CADPS: variants seen among roughly 807,000 people sequenced by gnomAD.
CADPS encodes the protein calcium dependent secretion activator.
In CADPS, 57 loss-of-function variants were observed where a neutral mutation model predicts 167.3. That is an observed-to-expected ratio of 0.34 (90% CI 0.28 to 0.42). CADPS has a LOEUF of 0.42. CADPS is among the 20% of genes least tolerant of loss of function. The probability of loss-of-function intolerance (pLI) is 1.00; values close to 1 mark genes in which losing one functional copy is unlikely to be tolerated. For synonymous variants in CADPS, 676 were observed against 635.3 expected, an observed-to-expected ratio of 1.06 and a Z score of -0.96; for missense variants, 1,414 against 1,738.1, an observed-to-expected ratio of 0.81 and a Z score of 3.32.
rs375743262 is a variant in CADPS at position 62,405,149 on chromosome 3, G to A, written c.3778-1964C>T. ...TGACATGTAATCTGGGGGGGGGGGG[G>A]GCTCAACAGATCTATTTTGAGAACT... On this transcript the variant is annotated intron_variant, in intron 28 of 29. Coordinates refer to ENST00000383710, the MANE Select transcript of CADPS (RefSeq NM_003716.4). Among the ~76,000 whole-genome samples, 603 of 140,410 alleles carry A rather than the reference G, an allele frequency of 4.3e-3. 5 individuals are homozygous for A. The highest frequency in any genetic ancestry group is 6.6e-3 in the Non-Finnish European group (426 of 64,480). The allele number at this position is 140,410 out of a possible 152,430, so 92.1% of individuals were successfully genotyped here.
chr3:62,536,726 C>T, intron 11 of CADPS, 145 bp from the exon 12 acceptor site: 1 of 747,580 alleles, frequency 1.3e-6, no homozygotes, highest in Admixed American at 2.2e-5. Flanking sequence ...CCAAGATATT[C>T]TTTTTACCTC....
intron 3 of CADPS, among the ~76,000 whole-genome samples, chr3:62,696,422 G>T (rs2080291864): frequency 6.6e-6 from 1 of 151,972 alleles, no homozygotes; most frequent in African/African-American, 2.4e-5. Context: ...GCACCTCATT[G>T]CATCCCTGCC....
chr3:62,724,605 G>A (rs147623627), intron 3 of CADPS, among the ~76,000 whole-genome samples: 1 of 152,274 alleles, frequency 6.6e-6, no homozygotes, highest in African/African-American at 2.4e-5. Flanking sequence ...AACTGGGACT[G>A]TTGGTATTCT....
intron 6 of CADPS, among the ~76,000 whole-genome samples, chr3:62,624,509 C>A (rs1219128120): frequency 2.0e-5 from 3 of 151,656 alleles, no homozygotes; most frequent in Non-Finnish European, 2.9e-5. Context: ...TTTAAAAAAA[C>A]CTATTCCAAA....
chr3:62,436,462 A>T (rs1189746499), intron 28 of CADPS, among the ~76,000 whole-genome samples: 1 of 152,180 alleles, frequency 6.6e-6, no homozygotes, highest in Non-Finnish European at 1.5e-5. Flanking sequence ...TTCAATGGAG[A>T]TGGGCAGAGT....
At chr3:62,522,215 C>T (rs2070829739) in intron 13 of CADPS, among the ~76,000 whole-genome samples, 1 of 152,128 alleles carries the variant, frequency 6.6e-6, no homozygotes, top group Non-Finnish European at 1.5e-5. Context: ...CTGTTCACTG[C>T]AGCATTGACA....
At chr3:62,793,429 G>A (rs562511) in intron 1 of CADPS, among the ~76,000 whole-genome samples, 141,231 of 152,232 alleles carry the variant, frequency 0.93, 65,552 homozygotes, top group East Asian at 1. Context: ...GGAGGAAGAC[G>A]TTCAGCATTT....
intron 11 of CADPS, among the ~76,000 whole-genome samples, chr3:62,538,378 C>T (rs1011351635): frequency 6.6e-6 from 1 of 152,106 alleles, no homozygotes; most frequent in African/African-American, 2.4e-5. Flanking sequence ...CATAATGACA[C>T]TCCTGCAATC....
intron 1 of CADPS, among the ~76,000 whole-genome samples, chr3:62,837,255 C>T (rs1269406148): frequency 6.6e-6 from 1 of 152,138 alleles, no homozygotes; most frequent in African/African-American, 2.4e-5. Context: ...TCCCCAAAAT[C>T]GCACAGCTTG....
chr3:62,690,332 G>C (rs1158526126), intron 3 of CADPS, among the ~76,000 whole-genome samples: 1 of 151,972 alleles, frequency 6.6e-6, no homozygotes, highest in African/African-American at 2.4e-5. Flanking sequence ...ATGATGCATG[G>C]TCATATTGTT....
At chr3:62,740,628 A>G (rs1414029821) in intron 3 of CADPS, among the ~76,000 whole-genome samples, 1 of 152,112 alleles carries the variant, frequency 6.6e-6, no homozygotes, top group East Asian at 1.9e-4. Context: ...GCAGCTGACC[A>G]ATCAAACCCC....
At chr3:62,521,186 G>T (rs570549664) in intron 13 of CADPS, among the ~76,000 whole-genome samples, 5 of 152,186 alleles carry the variant, frequency 3.3e-5, no homozygotes, top group Admixed American at 1.3e-4. Flanking sequence ...AGTGCTGCTG[G>T]TTCGAGGACC....
intron 18 of CADPS, 99 bp from the exon 19 acceptor site, chr3:62,493,764 G>A (rs1332407868): frequency 1.9e-5 from 19 of 994,662 alleles, no homozygotes; most frequent in Non-Finnish European, 2.8e-5. Context: ...TTAATTTACA[G>A]TAAAACCTCA....
At chr3:62,449,136 T>C (rs2057671684) in intron 26 of CADPS, among the ~76,000 whole-genome samples, 1 of 152,112 alleles carries the variant, frequency 6.6e-6, no homozygotes, top group South Asian at 2.1e-4. Flanking sequence ...ATGTGTAAAA[T>C]TACAGGGCCC....
chr3:62,780,149 A>G (rs1576312829), intron 1 of CADPS, among the ~76,000 whole-genome samples: 1 of 152,178 alleles, frequency 6.6e-6, no homozygotes, highest in Non-Finnish European at 1.5e-5. Flanking sequence ...CTGGGATTAC[A>G]GGCGTGAGCC....
intron 2 of CADPS, among the ~76,000 whole-genome samples, chr3:62,764,344 C>T (rs2086306699): frequency 6.6e-6 from 1 of 152,058 alleles, no homozygotes; most frequent in Non-Finnish European, 1.5e-5. Context: ...AAAACTGTAC[C>T]ACATAAGATA....
At chr3:62,803,699 T>G (rs1403938983) in intron 1 of CADPS, among the ~76,000 whole-genome samples, 1 of 152,184 alleles carries the variant, frequency 6.6e-6, no homozygotes, top group East Asian at 1.9e-4. Context: ...ATCTGTAAAG[T>G]GTTTTTGGCC....
chr3:62,462,747 C>A (rs986544896), intron 26 of CADPS, among the ~76,000 whole-genome samples: 1 of 152,200 alleles, frequency 6.6e-6, no homozygotes, highest in Non-Finnish European at 1.5e-5. Flanking sequence ...TTGCACAATA[C>A]CTGCTGCCTC....
chr3:62,448,062 C>T (rs2057484298), intron 26 of CADPS, among the ~76,000 whole-genome samples: 1 of 152,144 alleles, frequency 6.6e-6, no homozygotes, highest in Non-Finnish European at 1.5e-5. Context: ...TTTATTTGCT[C>T]ATGATCACAG....
Sources: allele counts gnomAD v4.1 joint callset (sites outside exome capture counted in the v4.1 genomes callset), GRCh38; gene constraint gnomAD v4.1.1; transcripts MANE v1.5; gene names NCBI Gene and HGNC (gene_info 2026-07-23, HGNC 2026-07-21).